Variants in TSHZ2 observed in about 807,000 individuals in gnomAD.
TSHZ2 encodes teashirt zinc finger homeobox 2, also known as teashirt homolog 2.
A neutral mutation model predicts 74.4 loss-of-function variants in TSHZ2; 21 were observed. That is an observed-to-expected ratio of 0.28 (90% CI 0.20 to 0.41). The LOEUF is 0.41. Among genes scored for constraint, TSHZ2 ranks in the 10% least tolerant of loss-of-function variants. The pLI, the probability that TSHZ2 is intolerant of heterozygous loss-of-function variation, is 1.00. For missense variants in TSHZ2, 1,244 were observed against 1,293.5 expected (o/e 0.96, Z 0.59); for synonymous variants, 540 against 515.3 (o/e 1.05, Z -0.65).
At chr20:53,014,100 G>C (rs971125249) in intron 1 of TSHZ2, among the ~76,000 whole-genome samples, 2 of 152,126 alleles carry the variant, frequency 1.3e-5, no homozygotes, top group Non-Finnish European at 2.9e-5. Context: ...TACAATTCTG[G>C]AGGCTAGAAA....
chr20:53,082,382 T>A lies in TSHZ2; in HGVS notation c.40+109049T>A, dbSNP rs12625184. Among the ~76,000 whole-genome samples the A allele has an allele frequency of 5.3e-5, 8 of 152,282 alleles. No homozygotes were observed. In the East Asian group the frequency reaches 1.5e-3, roughly 29 times the overall value. ...AAAGAAGCCTCGTGATTAAGTAGAG[T>A]TGGAGCCTCTTATCTTTCTCACTGA... On this transcript the variant is annotated intron_variant, in intron 1 of 2. Transcript: ENST00000371497.
Position 53,254,399 on chromosome 20 carries a change from C to T in TSHZ2, c.941C>T (p.Ser314Leu), listed in dbSNP as rs767343963. Residue 314 changes from serine to leucine, a missense_variant, in exon 2 of 3, where the codon TCG becomes TTG. Physicochemically the swap from Ser to Leu is moderately radical, Grantham distance 145. Transcript: ENST00000371497. Reference protein sequence around the residue: ...PLKEPVPTISSKMVTPAKKRV... With the variant: ...PLKEPVPTISLKMVTPAKKRV... The stretch of plus-strand genomic sequence containing the variant: ...AAGGAGCCAGTCCCAACCATTTCCT[C>T]GAAAATGGTCACCCCGGCTAAGAAA... 4.1e-5 allele frequency: 66 copies of T among 1,613,686 alleles called. No homozygotes were observed. Among genetic ancestry groups the T allele is most frequent in the Non-Finnish European group, 5.3e-5 (63 of 1,179,748 alleles).
intron 2 of TSHZ2, among the ~76,000 whole-genome samples, chr20:53,302,594 C>T (rs906111356): frequency 6.6e-6 from 1 of 152,120 alleles, no homozygotes; most frequent in Non-Finnish European, 1.5e-5. Context: ...AACAGTGTTT[C>T]TCGAACCCTC....
intron 2 of TSHZ2, among the ~76,000 whole-genome samples, chr20:53,362,881 C>G (rs1295683314): frequency 6.6e-6 from 1 of 152,240 alleles, no homozygotes; most frequent in East Asian, 1.9e-4. Flanking sequence ...ATAGCCCACT[C>G]ATTCCTCTGA....
At chr20:53,370,381 C>T (rs981352072) in intron 2 of TSHZ2, among the ~76,000 whole-genome samples, 2 of 152,054 alleles carry the variant, frequency 1.3e-5, no homozygotes, top group African/African-American at 2.4e-5. Flanking sequence ...TTACCATCTC[C>T]GCCTCAAATT....
At chr20:53,157,246 G>A (rs530395002) in intron 1 of TSHZ2, among the ~76,000 whole-genome samples, 10 of 149,686 alleles carry the variant, frequency 6.7e-5, no homozygotes, top group South Asian at 2.1e-4. Flanking sequence ...CCTTATGGGC[G>A]TAAAACACTC....
chr20:52,986,678 G>A (rs778899145), intron 1 of TSHZ2, among the ~76,000 whole-genome samples: 7 of 151,934 alleles, frequency 4.6e-5, no homozygotes, highest in African/African-American at 1.7e-4. Flanking sequence ...GAAGTGAGCC[G>A]AGATCTCGCC....
intron 2 of TSHZ2, among the ~76,000 whole-genome samples, chr20:53,349,462 G>A (rs1980561061): frequency 6.6e-6 from 1 of 152,088 alleles, no homozygotes; most frequent in South Asian, 2.1e-4. Context: ...GACCAGCCTG[G>A]GTGACACGGT....
At chr20:53,277,292 G>T (rs570518851) in intron 2 of TSHZ2, among the ~76,000 whole-genome samples, 1 of 152,256 alleles carries the variant, frequency 6.6e-6, no homozygotes, top group East Asian at 1.9e-4. Context: ...TCTATATTGT[G>T]TTTATCAAAA....
rs557630427 is a variant in TSHZ2 at position 53,047,884 on chromosome 20, T to C, written c.40+74551T>C. 2.6e-4 allele frequency among the ~76,000 whole-genome samples: 40 copies of C among 152,260 alleles called. No individual in the cohort carries two copies. In the East Asian group the frequency reaches 4.4e-3, roughly 17 times the overall value. On this transcript the variant is annotated intron_variant, in intron 1 of 2. Transcript: ENST00000371497. ...TGTGGTGTTAGGTGCTAAACATACA[T>C]AGATTTTCGCTGACTCTGAAAACAG...
intron 1 of TSHZ2, among the ~76,000 whole-genome samples, chr20:53,184,972 G>T (rs901849184): frequency 2.0e-5 from 3 of 152,204 alleles, no homozygotes; most frequent in Admixed American, 6.5e-5. Flanking sequence ...GCCTCCTAAA[G>T]TGCTGGGATT....
chr20:53,255,956 G>C lies in TSHZ2; in HGVS notation c.2498G>C (p.Ser833Thr). 1.2e-6 allele frequency: 2 copies of C among 1,614,124 alleles called. No homozygotes were observed. The highest frequency in any genetic ancestry group is 1.7e-6 in the Non-Finnish European group (2 of 1,179,992). Residue 833 changes from serine (S) to threonine (T), a missense_variant, in exon 2 of 3, where the codon AGT becomes ACT. Around this residue, in one of 6 missense-constraint regions of TSHZ2, gnomAD observed 562 missense variants for 544.0 expected, o/e 1.03. Transcript: ENST00000371497. The surrounding 1 kb of genome is among the most constrained non-coding windows in gnomAD (Gnocchi z 4.1). ...GTCAGGCGCTTTGAGGATGTCTCCA[G>C]TGAAGTCTCAACTTTGCATAAAAGA... The part of the protein sequence containing the change: ...MDVRRFEDVS[S>T]EVSTLHKRKG...
At chr20:53,472,277 T>C (rs957660232) in intron 2 of TSHZ2, among the ~76,000 whole-genome samples, 2 of 152,210 alleles carry the variant, frequency 1.3e-5, no homozygotes, top group Admixed American at 1.3e-4. Flanking sequence ...GCCTGAATTG[T>C]GTGCACAATT....
At chr20:53,328,845 AT>A (rs1414447789) in intron 2 of TSHZ2, among the ~76,000 whole-genome samples, 3 of 152,142 alleles carry the variant, frequency 2.0e-5, no homozygotes, top group African/African-American at 7.2e-5. Context: ...TGGAATATCA[AT>A]TTTTTTAATT....
In TSHZ2 at chr20:53,256,524, A is replaced by G. The variant is rs745527319; in HGVS notation, c.3066A>G (p.Glu1022=). 1.1e-5 allele frequency: 17 copies of G among 1,607,484 alleles called. No individual in the cohort carries two copies. In the Admixed American group the frequency reaches 2.8e-4, roughly 27 times the overall value. Residue 1022 remains glutamate, a synonymous_variant, in exon 2 of 3, where the codon GAA becomes GAG. Transcript: ENST00000371497. This position sits in a 1 kb window ranked among gnomAD's most constrained non-coding sequence, Gnocchi z 4.3. ...GCAAAACGCACAGCAAGTCACCCGA[A>G]CACCATTCACAGTTTGTAACAGACG... ...HLSKTHSKSP[E]HHSQFVTDVD...
chr20:53,385,751 G>A (rs1246853713), intron 2 of TSHZ2, among the ~76,000 whole-genome samples: 1 of 152,154 alleles, frequency 6.6e-6, no homozygotes, highest in East Asian at 1.9e-4. Flanking sequence ...AACTCCTTCT[G>A]AGCCAGGGAC....
intron 2 of TSHZ2, among the ~76,000 whole-genome samples, chr20:53,358,015 A>C (rs975524961): frequency 1.3e-5 from 2 of 152,226 alleles, no homozygotes; most frequent in Admixed American, 1.3e-4. Flanking sequence ...GTGGAAAACT[A>C]TTCCTGGAAA....
chr20:53,274,323 G>T (rs1043066492), intron 2 of TSHZ2, among the ~76,000 whole-genome samples: 4 of 152,128 alleles, frequency 2.6e-5, no homozygotes, highest in African/African-American at 9.7e-5. Context: ...CAGGAATTAC[G>T]AAGTGTAAAG....
intron 1 of TSHZ2, among the ~76,000 whole-genome samples, chr20:52,988,592 A>G (rs995971093): frequency 3.6e-5 from 5 of 138,026 alleles, no homozygotes; most frequent in African/African-American, 1.1e-4. Context: ...TGTGTTGTAG[A>G]AAAAAAAAAA....
Sources: allele counts gnomAD v4.1 joint callset (sites outside exome capture counted in the v4.1 genomes callset), GRCh38; gene constraint gnomAD v4.1.1; regional missense constraint gnomAD v4.1.1; non-coding constraint Gnocchi (gnomAD v3.1); transcripts MANE v1.5; gene names NCBI Gene and HGNC (gene_info 2026-07-23, HGNC 2026-07-21).